The following GALNT7 variants were observed in gnomAD, a reference collection of about 807,000 sequenced individuals.
GALNT7 encodes polypeptide N-acetylgalactosaminyltransferase 7.
A neutral mutation model predicts 82.1 loss-of-function variants in GALNT7; 60 were observed. The observed-to-expected ratio is 0.73, with a 90% CI of 0.59 to 0.91. The LOEUF (loss-of-function observed/expected upper bound fraction) is 0.91, where lower values mean the gene tolerates loss of function less well. GALNT7 is among the 40% of genes least tolerant of loss of function. GALNT7 has a pLI of 0.00. For missense variants in GALNT7, 660 were observed against 804.2 expected (o/e 0.82, Z 2.17); for synonymous variants, 243 against 275.1 (o/e 0.88, Z 1.15).
intron 1 of GALNT7, among the ~76,000 whole-genome samples, chr4:173,238,919 C>G (rs537798789): frequency 6.6e-6 from 1 of 152,212 alleles, no homozygotes; most frequent in East Asian, 1.9e-4. Context: ...AAACAATAAT[C>G]AATTTGTTGT....
rs148047778 is a variant in GALNT7 at position 173,219,390 on chromosome 4, G to A, written c.127-28590G>A. On this transcript the variant is annotated intron_variant, in intron 1 of 11. Transcript: ENST00000265000. Reference sequence around the variant, plus strand: ...CATACCACGGTTTCTTTATCCACTCGTTGATTGATGGGCATTTGGGCTGGT... The same window carrying A: ...CATACCACGGTTTCTTTATCCACTCATTGATTGATGGGCATTTGGGCTGGT... Among the ~76,000 whole-genome samples the A allele has an allele frequency of 9.9e-4, 150 of 152,034 alleles. 4 individuals are homozygous for A. The highest frequency in any genetic ancestry group is 3.4e-3 in the African/African-American group (141 of 41,468).
chr4:173,208,398 A>C (rs1413472986), intron 1 of GALNT7, among the ~76,000 whole-genome samples: 1 of 152,146 alleles, frequency 6.6e-6, no homozygotes, highest in Non-Finnish European at 1.5e-5. Flanking sequence ...ATATTTTAAA[A>C]ATTCTGGTTA....
At chr4:173,251,129 A>G (rs537008845) in intron 2 of GALNT7, among the ~76,000 whole-genome samples, 1 of 152,346 alleles carries the variant, frequency 6.6e-6, no homozygotes, top group South Asian at 2.1e-4. Flanking sequence ...GACAAGTAGG[A>G]ACTCAGTAGT....
At position 173,321,987 on chromosome 4, in the gene GALNT7, T is replaced by G. The variant is rs150260684; in HGVS notation, c.*270T>G. The G allele has an allele frequency of 3.3e-3, 909 of 273,896 alleles. 11 individuals carry two copies. The highest frequency in any genetic ancestry group is 0.019 in the African/African-American group (862 of 46,208). The allele number at this position is 273,896 out of a possible 1,614,324, so 17.0% of individuals were successfully genotyped here. Reference sequence around the variant, plus strand: ...TAAGATGATGTTGGTAATTTGTGCCTTTAGCTCTGTTTTATTAGACAGAGT... The same window carrying G: ...TAAGATGATGTTGGTAATTTGTGCCGTTAGCTCTGTTTTATTAGACAGAGT... On this transcript the variant is annotated 3_prime_UTR_variant, in exon 12 of 12. Coordinates refer to ENST00000265000, the MANE Select transcript of GALNT7 (RefSeq NM_017423.3).
chr4:173,183,927 C>G (rs1161406759), intron 1 of GALNT7, among the ~76,000 whole-genome samples: 1 of 150,718 alleles, frequency 6.6e-6, no homozygotes, highest in South Asian at 2.1e-4. Context: ...TCAGACGGGG[C>G]GGCCAGGCAG....
chr4:173,317,444 G>A (rs113685478), intron 9 of GALNT7, 190 bp from the exon 10 acceptor site: 131 of 509,914 alleles, frequency 2.6e-4, no homozygotes, highest in African/African-American at 1.7e-3. Context: ...CCATTCCAGT[G>A]TTGACTTCAA....
chr4:173,259,207 A>G (rs1010685813), intron 2 of GALNT7, among the ~76,000 whole-genome samples: 1 of 152,204 alleles, frequency 6.6e-6, no homozygotes, highest in Non-Finnish European at 1.5e-5. Flanking sequence ...AATAACAGAG[A>G]TGGATTTATA....
intron 1 of GALNT7, among the ~76,000 whole-genome samples, chr4:173,196,314 G>A (rs1370489792): frequency 1.3e-5 from 2 of 151,824 alleles, no homozygotes; most frequent in East Asian, 1.9e-4. Flanking sequence ...TAATAGAGAC[G>A]GGGTTTCGCT....
chr4:173,296,230 C>T (rs1025211699), intron 5 of GALNT7, among the ~76,000 whole-genome samples: 2 of 152,102 alleles, frequency 1.3e-5, no homozygotes, highest in Non-Finnish European at 2.9e-5. Flanking sequence ...TAAATTAGTA[C>T]TTTCAATAGT....
At chr4:173,203,016 ATT>A (rs111907982) in intron 1 of GALNT7, among the ~76,000 whole-genome samples, 5 of 141,818 alleles carry the variant, frequency 3.5e-5, no homozygotes, top group Admixed American at 2.1e-4. Context: ...ATTTTCATGG[ATT>A]TTTTTTTTTT....
chr4:173,175,554 G>T (rs976160302), intron 1 of GALNT7, among the ~76,000 whole-genome samples: 1 of 152,244 alleles, frequency 6.6e-6, no homozygotes, highest in African/African-American at 2.4e-5. Flanking sequence ...GTAGACGCTA[G>T]CTGGGTAATT....
chr4:173,178,075 A>G (rs1732128961), intron 1 of GALNT7, among the ~76,000 whole-genome samples: 1 of 146,658 alleles, frequency 6.8e-6, no homozygotes, highest in Admixed American at 6.7e-5. Flanking sequence ...GTGCGCACAG[A>G]CACCTATGTA....
At chr4:173,315,828 C>G (rs1434100031) in intron 9 of GALNT7, 1 of 152,190 alleles carries the variant, frequency 6.6e-6, no homozygotes, top group Admixed American at 6.5e-5. Flanking sequence ...CTCGACATAG[C>G]CTAAATTGAA....
chr4:173,269,329 C>T (rs572325625), intron 2 of GALNT7, among the ~76,000 whole-genome samples: 1 of 152,170 alleles, frequency 6.6e-6, no homozygotes, highest in African/African-American at 2.4e-5. Context: ...TTCATCTTTC[C>T]TTGCTCCTTC....
chr4:173,225,530 C>CT (rs1733798153), intron 1 of GALNT7, among the ~76,000 whole-genome samples: 1 of 152,172 alleles, frequency 6.6e-6, no homozygotes, highest in South Asian at 2.1e-4. Context: ...TAATAATGGC[C>CT]TAGCATTTAT....
chr4:173,170,939 A>G (rs1466579479), intron 1 of GALNT7, among the ~76,000 whole-genome samples: 5 of 152,210 alleles, frequency 3.3e-5, no homozygotes, highest in African/African-American at 2.4e-5. Flanking sequence ...GGTGATGATA[A>G]AGAAGGTGAT....
intron 1 of GALNT7, among the ~76,000 whole-genome samples, chr4:173,245,241 T>TG (rs1734585627): frequency 6.6e-6 from 1 of 151,190 alleles, no homozygotes; most frequent in African/African-American, 2.4e-5. Context: ...AAACAACTTT[T>TG]GGAGGAAAAT....
chr4:173,272,741 T>C (rs1735775235), intron 2 of GALNT7, among the ~76,000 whole-genome samples: 1 of 152,246 alleles, frequency 6.6e-6, no homozygotes, highest in African/African-American at 2.4e-5. Flanking sequence ...AATTATATGC[T>C]AATGAACTAC....
intron 5 of GALNT7, 187 bp from the exon 6 acceptor site, chr4:173,297,928 C>G: frequency 6.7e-7 from 1 of 1,490,234 alleles, no homozygotes; most frequent in Admixed American, 2.5e-5. Context: ...ACGTATTCCT[C>G]TAAGCCACAA....
Sources: gnomAD v4.1 joint callset for allele counts (sites outside exome capture counted in the v4.1 genomes callset) on GRCh38, gnomAD v4.1.1 for gene constraint, MANE v1.5 for transcripts, NCBI Gene and HGNC (gene_info 2026-07-23, HGNC 2026-07-21) for gene names.